DLG2: variants seen among roughly 807,000 people sequenced by gnomAD.
DLG2 encodes discs large MAGUK scaffold protein 2, also known as disks large homolog 2.
Under a neutral mutation model 132.5 loss-of-function variants are expected in DLG2, and 45 were observed. That is an observed-to-expected ratio of 0.34 (90% CI 0.27 to 0.44). The LOEUF (loss-of-function observed/expected upper bound fraction) is 0.44, where lower values mean the gene tolerates loss of function less well. Ranked by LOEUF, DLG2 falls within the 20% of genes least tolerant of loss-of-function variation. The pLI is 1.00. For missense variants in DLG2, 1,045 were observed against 1,196.9 expected, an observed-to-expected ratio of 0.87 and a Z score of 1.87; for synonymous variants, 424 against 419.6, an observed-to-expected ratio of 1.01 and a Z score of -0.13.
chr11:84,821,476 T>C (rs2077668831), intron 6 of DLG2, among the ~76,000 whole-genome samples: 1 of 151,748 alleles, frequency 6.6e-6, no homozygotes, highest in South Asian at 2.1e-4. Flanking sequence ...GAATGTTATG[T>C]CACATTCATG....
At chr11:85,426,514 C>G (rs1470841231) in intron 3 of DLG2, among the ~76,000 whole-genome samples, 1 of 152,196 alleles carries the variant, frequency 6.6e-6, no homozygotes, top group Non-Finnish European at 1.5e-5. Context: ...CTCAGGCAAA[C>G]AGGGTCTGGA....
chr11:84,969,036 G>C (rs1038975363), intron 6 of DLG2, among the ~76,000 whole-genome samples: 1 of 128,214 alleles, frequency 7.8e-6, no homozygotes, highest in African/African-American at 2.9e-5. Flanking sequence ...TTAAAGCCTA[G>C]AAATCAAAAA....
chr11:85,510,498 T>C (rs2094036479), intron 3 of DLG2, among the ~76,000 whole-genome samples: 1 of 151,816 alleles, frequency 6.6e-6, no homozygotes, highest in Admixed American at 6.6e-5. Flanking sequence ...ATCCAGAATC[T>C]ACAATGAACT....
chr11:85,507,573 G>C, intron 3 of DLG2, among the ~76,000 whole-genome samples: 1 of 152,204 alleles, frequency 6.6e-6, no homozygotes. Flanking sequence ...TTTCTGCCGA[G>C]AGATCAGCTG....
chr11:84,009,298 C>A (rs948822086), intron 11 of DLG2, among the ~76,000 whole-genome samples: 1 of 151,920 alleles, frequency 6.6e-6, no homozygotes, highest in African/African-American at 2.4e-5. Context: ...AACAAACAAA[C>A]ACCACCTTCG....
intron 6 of DLG2, among the ~76,000 whole-genome samples, chr11:84,853,168 G>A (rs546047471): frequency 1.3e-5 from 2 of 152,054 alleles, no homozygotes; most frequent in African/African-American, 4.8e-5. Flanking sequence ...AAGGTTTCCT[G>A]AGTCTGTGTT....
intron 6 of DLG2, among the ~76,000 whole-genome samples, chr11:85,050,692 CAGA>C (rs2062807323): frequency 6.6e-6 from 1 of 152,080 alleles, no homozygotes; most frequent in South Asian, 2.1e-4. Flanking sequence ...ATTTAATGAA[CAGA>C]AGATTTATAT....
At chr11:84,486,724 T>A (rs893997221) in intron 7 of DLG2, among the ~76,000 whole-genome samples, 1 of 152,094 alleles carries the variant, frequency 6.6e-6, no homozygotes, top group Non-Finnish European at 1.5e-5. Context: ...TCCTCATCAT[T>A]GGCTTAAAAA....
intron 7 of DLG2, among the ~76,000 whole-genome samples, chr11:84,504,704 C>T (rs1026091429): frequency 1.3e-5 from 2 of 152,036 alleles, no homozygotes; most frequent in East Asian, 3.9e-4. Flanking sequence ...TCATGTGGCA[C>T]CAGTGCTTGT....
intron 6 of DLG2, among the ~76,000 whole-genome samples, chr11:84,924,883 A>G (rs953238280): frequency 2.6e-5 from 4 of 152,188 alleles, no homozygotes; most frequent in Non-Finnish European, 5.9e-5. Flanking sequence ...CCCAGCTCTC[A>G]TCATTCCACA....
At chr11:84,784,345 TAAATAAATA>T (rs760216307) in intron 6 of DLG2, among the ~76,000 whole-genome samples, 1 of 146,976 alleles carries the variant, frequency 6.8e-6, no homozygotes, top group African/African-American at 2.5e-5. Context: ...AATAAATAAA[TAAATAAATA>T]AATAAATAAA....
At chr11:83,812,563 A>C (rs997323723) in intron 17 of DLG2, among the ~76,000 whole-genome samples, 1 of 152,156 alleles carries the variant, frequency 6.6e-6, no homozygotes. Context: ...CTTTCCTCAT[A>C]AGGTTTACTG....
intron 6 of DLG2, among the ~76,000 whole-genome samples, chr11:84,729,612 A>C (rs2062912940): frequency 6.6e-6 from 1 of 152,006 alleles, no homozygotes; most frequent in South Asian, 2.1e-4. Context: ...ATGTCCACTC[A>C]CCTATCCCCA....
chr11:84,086,650 T>A (rs1594931719), intron 10 of DLG2, among the ~76,000 whole-genome samples: 1 of 151,786 alleles, frequency 6.6e-6, no homozygotes, highest in Non-Finnish European at 1.5e-5. Context: ...CCACCACACC[T>A]GGCTAATTTT....
At chr11:83,623,692 C>T (rs2062012574) in intron 19 of DLG2, among the ~76,000 whole-genome samples, 1 of 152,210 alleles carries the variant, frequency 6.6e-6, no homozygotes, top group South Asian at 2.1e-4. Context: ...AAGTTCATTC[C>T]ACAAGTATTT....
intron 6 of DLG2, among the ~76,000 whole-genome samples, chr11:84,558,604 T>C (rs2099416663): frequency 6.6e-6 from 1 of 152,148 alleles, no homozygotes. Flanking sequence ...CTGCCTTAAA[T>C]CTTCGCTTCT....
chr11:85,493,744 GAGAA>G (rs1267862706), intron 3 of DLG2, among the ~76,000 whole-genome samples: 2 of 139,464 alleles, frequency 1.4e-5, no homozygotes, highest in Non-Finnish European at 3.1e-5. Flanking sequence ...GGGAGGGGGA[GAGAA>G]AGAGAGACAG....
At chr11:83,461,826 G>C (rs146935591) in intron 27 of DLG2, 176 bp downstream of exon 27, 123 of 563,164 alleles carry the variant, frequency 2.2e-4, no homozygotes, top group East Asian at 2.2e-3. Flanking sequence ...GAGAACCCAG[G>C]GTTTTACATC....
chr11:84,677,558 C>G (rs1422989959), intron 6 of DLG2, among the ~76,000 whole-genome samples: 1 of 151,968 alleles, frequency 6.6e-6, no homozygotes, highest in East Asian at 1.9e-4. Context: ...TGACACAGAT[C>G]ATATTTTTAC....
Sources: gnomAD v4.1 joint callset for allele counts (sites outside exome capture counted in the v4.1 genomes callset) on GRCh38, gnomAD v4.1.1 for gene constraint, MANE v1.5 for transcripts, NCBI Gene and HGNC (gene_info 2026-07-23, HGNC 2026-07-21) for gene names.